Variants in APP observed in about 807,000 individuals in gnomAD.
APP encodes the protein amyloid-beta precursor protein.
A neutral mutation model predicts 101.4 loss-of-function variants in APP; 31 were observed. The ratio of observed to expected loss-of-function variants is 0.31; its 90% CI spans 0.23 to 0.41. The LOEUF (loss-of-function observed/expected upper bound fraction) is 0.41, where lower values mean the gene tolerates loss of function less well. Among genes scored for constraint, APP ranks in the 10% least tolerant of loss-of-function variants. The probability of loss-of-function intolerance (pLI) is 1.00; values close to 1 mark genes in which losing one functional copy is unlikely to be tolerated. For synonymous variants in APP, 366 were observed against 364.4 expected (o/e 1.00, Z -0.05); for missense variants, 839 against 1,003.7 (o/e 0.84, Z 2.22).
At chr21:25,881,803 T>C in intron 17 of APP, 32 bp from the exon 18 acceptor site, 2 of 1,594,988 alleles carry the variant, frequency 1.3e-6, no homozygotes, top group Non-Finnish European at 1.7e-6. Flanking sequence ...GAGTAAAAAA[T>C]AAAAATCAAT....
intron 2 of APP, among the ~76,000 whole-genome samples, chr21:26,105,057 C>T (rs1031322548): frequency 3.2e-5 from 4 of 123,558 alleles, no homozygotes; most frequent in African/African-American, 1.3e-4. Context: ...ATGGTTTCCA[C>T]GCATTTTTTT....
chr21:26,066,249 T>C (rs1023624021), intron 3 of APP, among the ~76,000 whole-genome samples: 1 of 152,210 alleles, frequency 6.6e-6, no homozygotes, highest in African/African-American at 2.4e-5. Context: ...AAGGGTCTAC[T>C]TAAGATAACC....
At chr21:26,021,761 T>G (rs1237711538) in intron 6 of APP, 79 bp downstream of exon 6, 2 of 1,571,372 alleles carry the variant, frequency 1.3e-6, no homozygotes, top group Non-Finnish European at 1.7e-6. Flanking sequence ...GCAGTGGTGC[T>G]AGGGTGGATA....
chr21:25,970,577 C>T (rs151246420), intron 11 of APP, among the ~76,000 whole-genome samples: 1 of 152,304 alleles, frequency 6.6e-6, no homozygotes, highest in East Asian at 1.9e-4. Flanking sequence ...AAAAAAATTT[C>T]CTGACAAGTG....
In APP at chr21:26,051,158, G is replaced by A. The variant is rs752661056; in HGVS notation, c.504C>T (p.Tyr168=). ...CAATTCCGCAGGGCAGCAACATGCC[G>A]TAGTCATGCAAGTTGGTACTCTTCT... ...CSEKSTNLHD[Y]GMLLPCGIDK... Residue 168 remains tyrosine (Y), a synonymous_variant, in exon 5 of 18, where the codon TAC becomes TAT. Transcript: ENST00000346798. The A allele has an allele frequency of 9.9e-6, 16 of 1,613,930 alleles. No individual in the cohort carries two copies. Among genetic ancestry groups the A allele is most frequent in the African/African-American group, 4.0e-5 (3 of 74,904 alleles).
intron 13 of APP, among the ~76,000 whole-genome samples, chr21:25,918,931 C>T (rs1248629450): frequency 7.2e-6 from 1 of 138,518 alleles, no homozygotes; most frequent in African/African-American, 2.7e-5. Context: ...GGGGGCAGGG[C>T]ACAGACAAAC....
At chr21:26,105,495 A>G (rs2062161387) in intron 2 of APP, among the ~76,000 whole-genome samples, 1 of 152,016 alleles carries the variant, frequency 6.6e-6, no homozygotes, top group Non-Finnish European at 1.5e-5. Context: ...TGAATCCATC[A>G]ATACGGTTTA....
chr21:25,946,520 G>GC (rs2040828814), intron 13 of APP, among the ~76,000 whole-genome samples: 2 of 152,030 alleles, frequency 1.3e-5, no homozygotes, highest in Admixed American at 6.6e-5. Context: ...ACAAAAATTA[G>GC]CTGGATGTGG....
chr21:25,955,423 A>G (rs2041271115), intron 12 of APP, among the ~76,000 whole-genome samples: 1 of 152,162 alleles, frequency 6.6e-6, no homozygotes, highest in Non-Finnish European at 1.5e-5. Flanking sequence ...AGATTTTTAC[A>G]TTTGTTATTT....
chr21:25,913,757 T>TGTGACA (rs2039200244), intron 13 of APP, among the ~76,000 whole-genome samples: 1 of 152,212 alleles, frequency 6.6e-6, no homozygotes, highest in African/African-American at 2.4e-5. Context: ...AGTACTTATC[T>TGTGACA]TCTTCCCTGT....
intron 6 of APP, among the ~76,000 whole-genome samples, chr21:26,001,374 G>C (rs531126104): frequency 4.6e-5 from 7 of 152,282 alleles, no homozygotes; most frequent in Non-Finnish European, 1.0e-4. Flanking sequence ...CTCTGGGTTT[G>C]TGCCCTGCCC....
chr21:26,058,852 C>T (rs957132667), intron 3 of APP, among the ~76,000 whole-genome samples: 4 of 152,062 alleles, frequency 2.6e-5, no homozygotes, highest in Admixed American at 1.3e-4. Flanking sequence ...GAGGCCGAGG[C>T]GGGCGGATCA....
chr21:26,076,935 C>T (rs147988506), intron 3 of APP, among the ~76,000 whole-genome samples: 45 of 151,932 alleles, frequency 3.0e-4, no homozygotes, highest in Non-Finnish European at 6.2e-4. Flanking sequence ...TGGTTGTGGG[C>T]GCCTGTAGTC....
chr21:25,897,873 G>C (rs1418637842), intron 15 of APP, 200 bp from the exon 16 acceptor site: 1 of 587,610 alleles, frequency 1.7e-6, no homozygotes, highest in Non-Finnish European at 3.0e-6. Flanking sequence ...AGAAATGAAA[G>C]GGTAAGGGAA....
intron 2 of APP, among the ~76,000 whole-genome samples, chr21:26,092,319 T>C (rs1159131992): frequency 6.6e-6 from 1 of 151,984 alleles, no homozygotes; most frequent in African/African-American, 2.4e-5. Context: ...ACCTAGAAAA[T>C]GGAATGTCAT....
chr21:26,127,378 C>T (rs532432097), intron 1 of APP, among the ~76,000 whole-genome samples: 46 of 152,194 alleles, frequency 3.0e-4, no homozygotes, highest in African/African-American at 1.1e-3. Context: ...GGAGAAAAGG[C>T]TTAAAAACTG....
chr21:25,943,510 T>A (rs949199352), intron 13 of APP, among the ~76,000 whole-genome samples: 3 of 150,172 alleles, frequency 2.0e-5, no homozygotes, highest in African/African-American at 7.4e-5. Context: ...TAGGGTGAAG[T>A]GGCAGGATCT....
chr21:25,973,317 T>A (rs369123215), intron 11 of APP, among the ~76,000 whole-genome samples: 10 of 152,300 alleles, frequency 6.6e-5, no homozygotes, highest in African/African-American at 9.6e-5. Flanking sequence ...CCCAATTACA[T>A]GCTGCCTACA....
chr21:26,098,081 G>GAAAAA (rs757879199), intron 2 of APP, among the ~76,000 whole-genome samples: 14 of 54,376 alleles, frequency 2.6e-4, no homozygotes, highest in Admixed American at 4.8e-4. Context: ...CTCTGTCTCA[G>GAAAAA]AAAAAAAAAA....
Sources: gnomAD v4.1 joint callset for allele counts (sites outside exome capture counted in the v4.1 genomes callset) on GRCh38, gnomAD v4.1.1 for gene constraint, MANE v1.5 for transcripts, NCBI Gene and HGNC (gene_info 2026-07-23, HGNC 2026-07-21) for gene names.